Variants in ERCC6 observed in about 807,000 individuals in gnomAD.
ERCC6 encodes the protein DNA excision repair protein ERCC-6.
Under a neutral mutation model 158.7 loss-of-function variants are expected in ERCC6, and 116 were observed. The observed-to-expected ratio is 0.73, with a 90% CI of 0.63 to 0.85. The LOEUF (loss-of-function observed/expected upper bound fraction) is 0.85. ERCC6 is among the 40% of genes least tolerant of loss of function. The probability of loss-of-function intolerance (pLI) is 0.00; values close to 1 mark genes in which losing one functional copy is unlikely to be tolerated. For synonymous variants in ERCC6, 678 were observed against 659.3 expected (o/e 1.03, Z -0.43); for missense variants, 1,698 against 1,799.4 (o/e 0.94, Z 1.02).
chr10:49,441,210 G>C, the ERCC6 span, among the ~76,000 whole-genome samples: 3 of 152,222 alleles, frequency 2.0e-5, no homozygotes, highest in African/African-American at 7.2e-5. Context: ...GTACATTCCT[G>C]ATACTGGGTA....
At position 49,474,112 on chromosome 10, in the gene ERCC6, G is replaced by C. The variant is rs976745111; in HGVS notation, c.2513C>G (p.Ser838Cys). 1 of 1,614,098 alleles carries C rather than the reference G, an allele frequency of 6.2e-7. No homozygotes were observed. Among genetic ancestry groups the C allele is most frequent in the African/African-American group, 1.3e-5 (1 of 75,012 alleles). The stretch of plus-strand genomic sequence containing the variant: ...AGACTCAACAACAATCATTTTCCCA[G>C]AACGTTTCCAGTACCCAAACTGATC... Reference protein sequence around the residue: ...EEDQFGYWKRSGKMIVVESLL... With the variant: ...EEDQFGYWKRCGKMIVVESLL... Residue 838 changes from serine to cysteine, a missense_variant, in exon 13 of 21, where the codon TCT (serine) becomes TGT (cysteine). Transcript: ENST00000355832.
At chr10:49,459,586 G>A (rs567646632) in intron 20 of ERCC6, among the ~76,000 whole-genome samples, 30 of 152,290 alleles carry the variant, frequency 2.0e-4, no homozygotes, top group African/African-American at 6.7e-4. Flanking sequence ...TTCAGTACCT[G>A]TGGGCTTTTC....
At chr10:49,539,310 AT>A (rs1360731771), upstream of ERCC6, 2 of 152,298 alleles carry the variant, frequency 1.3e-5, no homozygotes, top group Non-Finnish European at 2.9e-5. Flanking sequence ...CAAGGCAGTT[AT>A]GAAAGTTAAG....
intron 4 of ERCC6, among the ~76,000 whole-genome samples, chr10:49,526,115 T>TATATATATATA (rs1564443868): frequency 1.9e-4 from 20 of 105,404 alleles, no homozygotes; most frequent in Middle Eastern, 4.7e-3. Context: ...ATTTATATAT[T>TATATATATATA]TTTATATATA....
chr10:49,505,958 G>A lies in ERCC6; in HGVS notation c.1452C>T (p.Asp484=), dbSNP rs762734699. 31 of 1,613,276 alleles carry A rather than the reference G, an allele frequency of 1.9e-5. No homozygotes were observed. Among genetic ancestry groups the A allele is most frequent in the Non-Finnish European group, 2.5e-5 (29 of 1,179,554 alleles). ...QDKEKRLKLE[D]DSEESDAEFD... Reference sequence around the variant, plus strand: ...ATTCAGCATCACTTTCCTCAGAATCGTCCTCCAGCTTCAGACGTTTCTCTT... The same window carrying A: ...ATTCAGCATCACTTTCCTCAGAATCATCCTCCAGCTTCAGACGTTTCTCTT... The change falls in exon 6 of 21, where the codon GAC becomes GAT. Residue 484 remains aspartate (D), a synonymous_variant. Transcript: ENST00000355832.
intron 7 of ERCC6, among the ~76,000 whole-genome samples, chr10:49,493,510 C>A (rs925642387): frequency 2.0e-5 from 3 of 152,158 alleles, no homozygotes; most frequent in Non-Finnish European, 2.9e-5. Context: ...AGAGATATAA[C>A]ATCTATAGTA....
Position 49,524,632 on chromosome 10 carries a change from A to T in ERCC6, c.798T>A (p.Asn266Lys). The T allele has an allele frequency of 1.2e-6, 2 of 1,614,180 alleles. No homozygotes were observed. Among genetic ancestry groups the T allele is most frequent in the Non-Finnish European group, 1.7e-6 (2 of 1,180,036 alleles). The change falls in exon 5 of 21, where the codon AAT (asparagine) becomes AAA (lysine). Residue 266 changes from asparagine (N) to lysine (K), a missense_variant. Physicochemically the swap from Asn to Lys is moderately conservative, Grantham distance 94. Transcript: ENST00000355832. ...QEKKPRKIML[N>K]EASGFEKYLA... ...AATACTTTTCGAAGCCTGATGCTTC[A>T]TTAAGCATGATTTTTCTGGGCTTTT... is the stretch of plus-strand genomic sequence containing the variant.
At chr10:49,436,282 G>C in the ERCC6 span, among the ~76,000 whole-genome samples, 1 of 152,066 alleles carries the variant, frequency 6.6e-6, no homozygotes, top group East Asian at 1.9e-4. Flanking sequence ...TGTAGAGTAG[G>C]AAAAGATTTT....
intron 5 of ERCC6, chr10:49,515,506 C>G (rs763148402): frequency 1.9e-6 from 3 of 1,614,090 alleles, no homozygotes; most frequent in Non-Finnish European, 1.7e-6. Flanking sequence ...TGAGGTCTTC[C>G]TTTTTGGCCA....
chr10:49,504,219 T>C (rs915692597), intron 6 of ERCC6: 2 of 152,140 alleles, frequency 1.3e-5, no homozygotes, highest in African/African-American at 4.8e-5. Context: ...CTATCAATCC[T>C]ATTAATTTTT....
At chr10:49,445,246 T>C in the ERCC6 span, among the ~76,000 whole-genome samples, 149 of 152,330 alleles carry the variant, frequency 9.8e-4, no homozygotes, top group African/African-American at 3.5e-3. Context: ...GCTTCACACA[T>C]GCAAAGCATT....
At chr10:49,490,032 G>T (rs10857498) in intron 8 of ERCC6, among the ~76,000 whole-genome samples, 15,656 of 152,108 alleles carry the variant, frequency 0.1, 1,168 homozygotes, top group East Asian at 0.38. Flanking sequence ...AAAGGATCAC[G>T]AAATATAATC....
Position 49,474,235 on chromosome 10 carries a change from G to C in ERCC6, c.2390C>G (p.Ser797Cys), listed in dbSNP as rs146043988. The change falls in exon 13 of 21, where the codon TCC becomes TGC. Residue 797 changes from serine to cysteine, a missense_variant. By Grantham distance (112) the Ser-to-Cys change is moderately radical. Coordinates refer to ENST00000355832, the MANE Select transcript of ERCC6 (RefSeq NM_000124.4). ...AATTTTTCTTAGGGCTATAAGTCCG[G>C]AGAAAATCTGTGGTAAGAAAGAGTA... ...RILNGEMQIF[S>C]GLIALRKICN... The C allele has an allele frequency of 1.5e-3, 2,443 of 1,613,602 alleles. 9 individuals are homozygous for C. The highest frequency in any genetic ancestry group is 2.0e-3 in the Non-Finnish European group (2,312 of 1,179,564).
chr10:49,505,469 GTTTT>G (rs1219473990), intron 6 of ERCC6: 1 of 166,562 alleles, frequency 6.0e-6, no homozygotes, highest in Non-Finnish European at 1.3e-5. Flanking sequence ...AATGTCAAAA[GTTTT>G]TTATTTCCAC....
Position 49,514,868 on chromosome 10 carries a change from GTTTTAC to G in ERCC6, c.1398-8862_1398-8857del, listed in dbSNP as rs372302252. On this transcript the variant is annotated intron_variant, in intron 5 of 20. Transcript: ENST00000355832. Reference sequence around the variant, plus strand: ...AATTTGCTAAATTGAGATACTTGGTGTTTTACTTTTCTTATCTTCCTTTTTATGGTC... The same window carrying G: ...AATTTGCTAAATTGAGATACTTGGTGTTTTCTTATCTTCCTTTTTATGGTC... Among the ~76,000 whole-genome samples the G allele has an allele frequency of 2.4e-3, 367 of 152,306 alleles. 3 individuals carry two copies. The highest frequency in any genetic ancestry group is 8.3e-3 in the African/African-American group (347 of 41,564).
At chr10:49,466,209 TA>T (rs1850671773) in intron 18 of ERCC6, among the ~76,000 whole-genome samples, 3 of 152,172 alleles carry the variant, frequency 2.0e-5, no homozygotes, top group African/African-American at 7.2e-5. Context: ...AAACTTAGAC[TA>T]AAGACAAAAA....
chr10:49,438,783 T>C, the ERCC6 span, among the ~76,000 whole-genome samples: 3 of 152,154 alleles, frequency 2.0e-5, no homozygotes, highest in Non-Finnish European at 4.4e-5. Flanking sequence ...GGTACAGGTA[T>C]TGGGTAAATA....
At chr10:49,526,221 T>C (rs1247469016) in intron 4 of ERCC6, among the ~76,000 whole-genome samples, 1 of 147,576 alleles carries the variant, frequency 6.8e-6, no homozygotes, top group Non-Finnish European at 1.5e-5. Flanking sequence ...CGTTCCAAAG[T>C]CCCCATCAAC....
At chr10:49,533,652 C>T (rs892204970) in intron 1 of ERCC6, among the ~76,000 whole-genome samples, 1 of 151,962 alleles carries the variant, frequency 6.6e-6, no homozygotes, top group African/African-American at 2.4e-5. Flanking sequence ...AAATTTAAAA[C>T]CTTAGCCAGG....
Sources: gnomAD v4.1 joint callset for allele counts (sites outside exome capture counted in the v4.1 genomes callset) on GRCh38, gnomAD v4.1.1 for gene constraint, MANE v1.5 for transcripts, NCBI Gene and HGNC (gene_info 2026-07-23, HGNC 2026-07-21) for gene names.